The following IQGAP1 variants were observed in gnomAD, a reference collection of about 807,000 sequenced individuals.
The protein encoded by IQGAP1 is IQ motif containing GTPase activating protein 1.
IQGAP1 carries 66 observed loss-of-function variants against 215.6 expected under a neutral mutation model. That is an observed-to-expected ratio of 0.31 (90% CI 0.25 to 0.38). The LOEUF (loss-of-function observed/expected upper bound fraction) is 0.38. Ranked by LOEUF, IQGAP1 falls within the 10% of genes least tolerant of loss-of-function variation. IQGAP1 has a pLI of 1.00. For synonymous variants in IQGAP1, 772 were observed against 728.7 expected (o/e 1.06, Z -0.96); for missense variants, 1,712 against 1,997.1 (o/e 0.86, Z 2.72).
In IQGAP1 at chr15:90,480,534, G is replaced by A. The variant is rs539599136; in HGVS notation, c.3330-1426G>A. 2.1e-3 allele frequency among the ~76,000 whole-genome samples: 314 copies of A among 152,180 alleles called. 1 individual carries two copies. Among genetic ancestry groups the A allele is most frequent in the African/African-American group, 7.3e-3 (304 of 41,510 alleles). The stretch of plus-strand genomic sequence containing the variant: ...AATATACAATATTCTTTATTGTTAA[G>A]TTCCATGTATTTATTTATTTCTCAT... On this transcript the variant is annotated intron_variant, in intron 26 of 37. Coordinates refer to ENST00000268182, the MANE Select transcript of IQGAP1 (RefSeq NM_003870.4).
intron 9 of IQGAP1, among the ~76,000 whole-genome samples, chr15:90,445,139 A>ATT (rs200670119): frequency 2.4e-4 from 35 of 148,608 alleles, no homozygotes; most frequent in Non-Finnish European, 1.5e-5. Flanking sequence ...TAATTAATTA[A>ATT]TTTTTTTTTT....
At chr15:90,485,161 G>A (rs1367237237) in intron 30 of IQGAP1, among the ~76,000 whole-genome samples, 1 of 152,034 alleles carries the variant, frequency 6.6e-6, no homozygotes, top group Non-Finnish European at 1.5e-5. Flanking sequence ...TGTAAAACAG[G>A]AACAAGGGCA....
intron 30 of IQGAP1, among the ~76,000 whole-genome samples, chr15:90,485,777 A>G (rs1186955266): frequency 1.3e-5 from 2 of 152,122 alleles, no homozygotes; most frequent in African/African-American, 4.8e-5. Context: ...TGAATCCTTT[A>G]TGGCCATGAG....
chr15:90,412,223 C>T (rs966420786), intron 2 of IQGAP1, among the ~76,000 whole-genome samples: 1 of 152,078 alleles, frequency 6.6e-6, no homozygotes, highest in African/African-American at 2.4e-5. Flanking sequence ...TCACTTATTC[C>T]TATAGCTTTT....
At chr15:90,444,971 A>G (rs1965506231) in intron 9 of IQGAP1, among the ~76,000 whole-genome samples, 1 of 152,002 alleles carries the variant, frequency 6.6e-6, no homozygotes, top group Non-Finnish European at 1.5e-5. Context: ...AAAAATACAA[A>G]AACTAGCTGG....
At chr15:90,390,675 C>A in intron 1 of IQGAP1, 99 bp from the exon 2 acceptor site, 1 of 788,196 alleles carries the variant, frequency 1.3e-6, no homozygotes, top group Non-Finnish European at 2.2e-6. Flanking sequence ...GTTATCCTGA[C>A]TTTCTAGGTG....
At chr15:90,418,155 C>A (rs1226326054) in intron 2 of IQGAP1, among the ~76,000 whole-genome samples, 1 of 152,028 alleles carries the variant, frequency 6.6e-6, no homozygotes, top group Non-Finnish European at 1.5e-5. Context: ...ATAAGTGTTC[C>A]ACACAGTAGT....
At chr15:90,404,121 T>C (rs942638994) in intron 2 of IQGAP1, among the ~76,000 whole-genome samples, 1 of 152,244 alleles carries the variant, frequency 6.6e-6, no homozygotes, top group African/African-American at 2.4e-5. Context: ...ACTTTGTAGG[T>C]ATGCCATTGT....
intron 2 of IQGAP1, among the ~76,000 whole-genome samples, chr15:90,410,297 A>C (rs1214818897): frequency 2.0e-5 from 3 of 152,206 alleles, no homozygotes; most frequent in African/African-American, 7.2e-5. Flanking sequence ...AAGGATCTAG[A>C]ACTAGAAATA....
intron 7 of IQGAP1, 34 bp downstream of exon 7, chr15:90,440,649 G>C: frequency 1.6e-6 from 2 of 1,284,724 alleles, no homozygotes; most frequent in Non-Finnish European, 2.2e-6. Flanking sequence ...GTTCAACTGG[G>C]ATTGTTGCCA....
At chr15:90,425,513 GTTTTC>G (rs1357934063) in intron 2 of IQGAP1, among the ~76,000 whole-genome samples, 1 of 151,934 alleles carries the variant, frequency 6.6e-6, no homozygotes, top group East Asian at 1.9e-4. Context: ...TTGGAAAATA[GTTTTC>G]TTTTCCTATC....
intron 9 of IQGAP1, among the ~76,000 whole-genome samples, chr15:90,444,182 T>A (rs1483149761): frequency 1.3e-5 from 2 of 151,620 alleles, no homozygotes; most frequent in African/African-American, 2.4e-5. Flanking sequence ...ACTCCTTCAC[T>A]TAGAAATAAT....
At chr15:90,494,918 T>C in intron 36 of IQGAP1, 83 bp downstream of exon 36, 1 of 950,186 alleles carries the variant, frequency 1.1e-6, no homozygotes, top group Non-Finnish European at 1.6e-6. Flanking sequence ...CATTTCTCTT[T>C]TCTGGATGGT....
At chr15:90,419,800 A>G (rs1338336851) in intron 2 of IQGAP1, among the ~76,000 whole-genome samples, 1 of 152,212 alleles carries the variant, frequency 6.6e-6, no homozygotes, top group Non-Finnish European at 1.5e-5. Context: ...GTGGTTATGC[A>G]GTGTCAGAAT....
At position 90,486,063 on chromosome 15, in the gene IQGAP1, G is replaced by A. The variant is rs747320346; in HGVS notation, c.3955G>A (p.Glu1319Lys). 6.2e-7 allele frequency: 1 copy of A among 1,613,950 alleles called. No individual in the cohort carries two copies. Among genetic ancestry groups the A allele is most frequent in the South Asian group, 1.1e-5 (1 of 91,018 alleles). The change falls in exon 31 of 38, where the codon GAG becomes AAG. Residue 1319 changes from glutamate to lysine, a missense_variant. Physicochemically the swap from Glu to Lys is moderately conservative, Grantham distance 56 (BLOSUM62 1). Around this residue, in one of 2 missense-constraint regions of IQGAP1, gnomAD observed 691 missense variants for 923.0 expected, o/e 0.75. Coordinates refer to ENST00000268182, the MANE Select transcript of IQGAP1 (RefSeq NM_003870.4). ...LLDHQDAIAP[E>K]HNDPIHELLD... is the part of the protein sequence containing the mutation. ...GGATCACCAGGATGCCATTGCTCCG[G>A]AGCACAATGATCCAATCCACGAACT...
chr15:90,398,756 A>C (rs1480336069), intron 2 of IQGAP1, among the ~76,000 whole-genome samples: 1 of 152,168 alleles, frequency 6.6e-6, no homozygotes, highest in Non-Finnish European at 1.5e-5. Flanking sequence ...TAATCTCAGC[A>C]CTTTGGGAGG....
intron 19 of IQGAP1, 82 bp from the exon 20 acceptor site, chr15:90,473,633 A>G (rs1567137881): frequency 3.2e-6 from 3 of 949,892 alleles, no homozygotes; most frequent in Non-Finnish European, 4.9e-6. Context: ...CACTTGGATC[A>G]TGTATCAAGA....
chr15:90,452,961 G>A (rs1321167530), intron 12 of IQGAP1, 23 bp downstream of exon 12: 2 of 1,611,416 alleles, frequency 1.2e-6, no homozygotes, highest in East Asian at 4.5e-5. Context: ...AACCTGTCCT[G>A]TTTGTGAGCA....
chr15:90,415,300 G>A (rs1243602205), intron 2 of IQGAP1, among the ~76,000 whole-genome samples: 1 of 152,014 alleles, frequency 6.6e-6, no homozygotes, highest in Non-Finnish European at 1.5e-5. Context: ...TGTTTAAAAT[G>A]TATATACATG....
Sources: gnomAD v4.1 joint callset for allele counts (sites outside exome capture counted in the v4.1 genomes callset) on GRCh38, gnomAD v4.1.1 for gene constraint, gnomAD v4.1.1 regional missense constraint, MANE v1.5 for transcripts, NCBI Gene and HGNC (gene_info 2026-07-23, HGNC 2026-07-21) for gene names.